Variants in ARHGAP6 observed in about 807,000 individuals in gnomAD.
ARHGAP6 encodes the protein Rho GTPase activating protein 6, also known as rho GTPase-activating protein 6.
A neutral mutation model predicts 55.7 loss-of-function variants in ARHGAP6; 16 were observed. The observed-to-expected ratio is 0.29, with a 90% CI of 0.19 to 0.44. ARHGAP6 has a LOEUF of 0.44. Ranked by LOEUF, ARHGAP6 falls within the 20% of genes least tolerant of loss-of-function variation. The pLI, the probability that ARHGAP6 is intolerant of heterozygous loss-of-function variation, is 1.00. For missense variants in ARHGAP6, 698 were observed against 808.9 expected, an observed-to-expected ratio of 0.86 and a Z score of 1.66; for synonymous variants, 382 against 360.9, an observed-to-expected ratio of 1.06 and a Z score of -0.66.
At chrX:11,393,533 A>G (rs1160442897) in intron 1 of ARHGAP6, among the ~76,000 whole-genome samples, 1 of 112,006 alleles carries the variant, frequency 8.9e-6, no homozygotes, top group East Asian at 2.8e-4. Context: ...ACACTAGCAA[A>G]TGGTAGTACA....
At chrX:11,483,227 C>G (rs935163539) in intron 1 of ARHGAP6, among the ~76,000 whole-genome samples, 11 of 111,897 alleles carry the variant, frequency 9.8e-5, no homozygotes, top group African/African-American at 3.6e-4. Context: ...GCAATGTGTT[C>G]AAGAGGCAGG....
chrX:11,327,994 G>A (rs1018140149), intron 1 of ARHGAP6, among the ~76,000 whole-genome samples: 3 of 112,027 alleles, frequency 2.7e-5, no homozygotes, highest in Non-Finnish European at 3.8e-5. Flanking sequence ...AGACATTGCT[G>A]ATTTAGTCAG....
chrX:11,380,820 C>T (rs1474627991), intron 1 of ARHGAP6, among the ~76,000 whole-genome samples: 2 of 112,035 alleles, frequency 1.8e-5, no homozygotes, highest in Non-Finnish European at 3.8e-5. Flanking sequence ...TGGCCTCTAC[C>T]GACTAGTAGC....
intron 1 of ARHGAP6, among the ~76,000 whole-genome samples, chrX:11,650,161 AT>A (rs1306108755): frequency 9.2e-6 from 1 of 109,013 alleles, no homozygotes; most frequent in Non-Finnish European, 1.9e-5. Context: ...CACCTGGTTA[AT>A]TTTTAAAATT....
At chrX:11,399,067 C>T (rs1296621345) in intron 1 of ARHGAP6, among the ~76,000 whole-genome samples, 1 of 111,531 alleles carries the variant, frequency 9.0e-6, no homozygotes, top group Non-Finnish European at 1.9e-5. Flanking sequence ...AACACAAAAG[C>T]CCAACAGAAA....
intron 10 of ARHGAP6, among the ~76,000 whole-genome samples, chrX:11,146,971 C>G (rs1235675133): frequency 9.0e-6 from 1 of 111,020 alleles, no homozygotes; most frequent in Non-Finnish European, 1.9e-5. Flanking sequence ...CATGAAAGCA[C>G]ACCGATTAAA....
chrX:11,539,727 AG>A (rs2051138412), intron 1 of ARHGAP6, among the ~76,000 whole-genome samples: 2 of 111,720 alleles, frequency 1.8e-5, no homozygotes, highest in Non-Finnish European at 1.9e-5. Context: ...CCACTGTTTT[AG>A]GAGGGGTTGG....
chrX:11,496,353 T>C (rs2050621852), intron 1 of ARHGAP6, among the ~76,000 whole-genome samples: 1 of 112,285 alleles, frequency 8.9e-6, no homozygotes, highest in Non-Finnish European at 1.9e-5. Context: ...ATCCTATCTT[T>C]TTGTGCTTGT....
At chrX:11,446,637 GA>G (rs2050094913) in intron 1 of ARHGAP6, among the ~76,000 whole-genome samples, 1 of 111,017 alleles carries the variant, frequency 9.0e-6, no homozygotes, top group African/African-American at 3.3e-5. Context: ...AATGACTGAT[GA>G]AAAAAAATTA....
intron 1 of ARHGAP6, among the ~76,000 whole-genome samples, chrX:11,425,629 G>A: frequency 8.9e-6 from 1 of 111,964 alleles, no homozygotes; most frequent in Middle Eastern, 4.6e-3. Flanking sequence ...AGAATAAAGG[G>A]CTATTTCATC....
At chrX:11,318,098 G>A (rs773859849) in intron 1 of ARHGAP6, among the ~76,000 whole-genome samples, 2 of 112,081 alleles carry the variant, frequency 1.8e-5, no homozygotes, top group African/African-American at 6.5e-5. Flanking sequence ...TGGCTTTAAC[G>A]TCTACATCAA....
intron 2 of ARHGAP6, among the ~76,000 whole-genome samples, chrX:11,232,701 A>G (rs772018599): frequency 1.8e-5 from 2 of 112,340 alleles, no homozygotes; most frequent in Admixed American, 9.4e-5. Context: ...TGACTGGTCT[A>G]TTTGTCTGCT....
chrX:11,139,585 G>T, intron 12 of ARHGAP6, 55 bp from the exon 13 acceptor site: 1 of 1,079,426 alleles, frequency 9.3e-7, no homozygotes, highest in Non-Finnish European at 1.2e-6. Flanking sequence ...AATCCTTGCT[G>T]GGGATTCAAA....
In ARHGAP6 at chrX:11,138,775, CTAAG is replaced by C; in HGVS notation, c.*84_*87del. 1.0e-6 allele frequency: 1 copy of C among 974,702 alleles called. No homozygotes were observed. Among genetic ancestry groups the C allele is most frequent in the South Asian group, 2.1e-5 (1 of 47,067 alleles). 80.3% of individuals were successfully genotyped at this position (974,702 alleles called of 1,213,427 possible). On this transcript the variant is annotated 3_prime_UTR_variant, in exon 13 of 13. Transcript: ENST00000337414. ...TTTTGAGAAGTGTGAAAGAAGAACA[CTAAG>C]TGTGCCAGTGGCCACCACCCACGGT...
intron 1 of ARHGAP6, among the ~76,000 whole-genome samples, chrX:11,617,262 A>G (rs1486933033): frequency 8.9e-6 from 1 of 112,432 alleles, no homozygotes; most frequent in African/African-American, 3.2e-5. Context: ...TATGTTTTAA[A>G]TATGTCTACT....
intron 3 of ARHGAP6, among the ~76,000 whole-genome samples, chrX:11,192,288 G>T (rs938734196): frequency 9.0e-6 from 1 of 111,598 alleles, no homozygotes; most frequent in African/African-American, 3.3e-5. Context: ...TCTTTATCAT[G>T]TCACTTTCAC....
At chrX:11,597,482 G>A (rs749976303) in intron 1 of ARHGAP6, among the ~76,000 whole-genome samples, 12 of 111,171 alleles carry the variant, frequency 1.1e-4, no homozygotes, top group Middle Eastern at 4.6e-3. Context: ...TTTTTCATTG[G>A]TAGTGATAGT....
intron 1 of ARHGAP6, among the ~76,000 whole-genome samples, chrX:11,409,646 A>G (rs1406338637): frequency 3.5e-5 from 4 of 112,848 alleles, no homozygotes; most frequent in Non-Finnish European, 5.6e-5. Context: ...ATTTTTAAAG[A>G]AAAGGATCTG....
At chrX:11,389,413 A>T (rs1022085293) in intron 1 of ARHGAP6, among the ~76,000 whole-genome samples, 4 of 112,516 alleles carry the variant, frequency 3.6e-5, no homozygotes, top group Non-Finnish European at 7.5e-5. Context: ...CACTAATAAA[A>T]TTATCCTGTG....
Sources: allele counts gnomAD v4.1 joint callset (sites outside exome capture counted in the v4.1 genomes callset), GRCh38; gene constraint gnomAD v4.1.1; transcripts MANE v1.5; gene names NCBI Gene and HGNC (gene_info 2026-07-23, HGNC 2026-07-21).